The following FILIP1L variants were observed in gnomAD, a reference collection of about 807,000 sequenced individuals.
The protein encoded by FILIP1L is filamin A interacting protein 1 like.
A neutral mutation model predicts 96.6 loss-of-function variants in FILIP1L; 55 were observed. The observed-to-expected ratio is 0.57, with a 90% CI of 0.46 to 0.71. FILIP1L has a LOEUF of 0.71. FILIP1L is among the 30% of genes least tolerant of loss of function. The probability of loss-of-function intolerance (pLI) is 0.00; values close to 1 mark genes in which losing one functional copy is unlikely to be tolerated. For synonymous variants in FILIP1L, 467 were observed against 473.9 expected (o/e 0.99, Z 0.19); for missense variants, 1,304 against 1,321.2 (o/e 0.99, Z 0.20).
At chr3:100,095,087 T>C (rs943317703) in intron 1 of FILIP1L, among the ~76,000 whole-genome samples, 1 of 152,216 alleles carries the variant, frequency 6.6e-6, no homozygotes, top group Non-Finnish European at 1.5e-5. Context: ...TTCTTTTTCA[T>C]TGATCTATGT....
intron 1 of FILIP1L, chr3:100,023,396 C>A (rs143744396): frequency 6.6e-6 from 1 of 152,582 alleles, no homozygotes; most frequent in Non-Finnish European, 1.5e-5. Flanking sequence ...AGTCAGAAAC[C>A]ACAGATTGTT....
At chr3:100,052,825 A>G (rs1559740591) in intron 1 of FILIP1L, among the ~76,000 whole-genome samples, 1 of 152,246 alleles carries the variant, frequency 6.6e-6, no homozygotes, top group African/African-American at 2.4e-5. Context: ...AGTTATAAAT[A>G]AATTCATATT....
intron 1 of FILIP1L, among the ~76,000 whole-genome samples, chr3:99,990,075 GTGTT>G (rs1399498212): frequency 4.6e-5 from 7 of 152,118 alleles, no homozygotes; most frequent in Non-Finnish European, 8.8e-5. Flanking sequence ...TTGCCGCTTT[GTGTT>G]TGTTTGAGAA....
intron 1 of FILIP1L, chr3:100,039,889 G>C (rs1017368058): frequency 1.3e-5 from 2 of 152,108 alleles, no homozygotes; most frequent in African/African-American, 4.8e-5. Flanking sequence ...GAGTAGCTGG[G>C]ACTACAGACG....
chr3:99,868,932 C>T (rs867472948), intron 4 of FILIP1L, among the ~76,000 whole-genome samples: 9 of 152,180 alleles, frequency 5.9e-5, no homozygotes, highest in South Asian at 4.2e-4. Flanking sequence ...TTACTTTTGC[C>T]GTTAAGCCAA....
At chr3:99,848,086 T>C in intron 5 of FILIP1L, 1 of 1,370,602 alleles carries the variant, frequency 7.3e-7, no homozygotes. Flanking sequence ...AATGAAAAGA[T>C]ATACAGTAAG....
intron 1 of FILIP1L, among the ~76,000 whole-genome samples, chr3:99,983,856 A>G (rs1168410146): frequency 2.6e-5 from 4 of 152,064 alleles, no homozygotes; most frequent in Non-Finnish European, 4.4e-5. Flanking sequence ...ATAAACTTAT[A>G]ATGTAGAATA....
chr3:100,018,100 G>A (rs1190438763), intron 1 of FILIP1L, among the ~76,000 whole-genome samples: 6 of 152,124 alleles, frequency 3.9e-5, no homozygotes, highest in Non-Finnish European at 7.4e-5. Flanking sequence ...AGGCCGAGGC[G>A]GGCAGATCAC....
intron 1 of FILIP1L, among the ~76,000 whole-genome samples, chr3:100,077,366 A>G (rs2065866342): frequency 6.6e-6 from 1 of 152,234 alleles, no homozygotes; most frequent in Non-Finnish European, 1.5e-5. Flanking sequence ...GTATGTTTGT[A>G]CTTCACTGAG....
chr3:99,918,201 C>T (rs1416655484), intron 4 of FILIP1L, among the ~76,000 whole-genome samples: 2 of 152,096 alleles, frequency 1.3e-5, no homozygotes, highest in Non-Finnish European at 2.9e-5. Flanking sequence ...TGGTCTCGAA[C>T]CCTTGACCTC....
chr3:100,094,172 C>T (rs1384561219), intron 1 of FILIP1L, among the ~76,000 whole-genome samples: 3 of 152,108 alleles, frequency 2.0e-5, no homozygotes, highest in African/African-American at 7.2e-5. Flanking sequence ...TTGCATTTCC[C>T]TAGCAGTTAA....
chr3:99,889,617 C>T (rs1397165990), intron 4 of FILIP1L, among the ~76,000 whole-genome samples: 1 of 151,458 alleles, frequency 6.6e-6, no homozygotes. Flanking sequence ...CCATTTGTAC[C>T]ACCTTTTTGT....
chr3:99,983,381 AATAAATAAATATATATATAT>A (rs1559713260), intron 1 of FILIP1L, among the ~76,000 whole-genome samples: 4 of 30,026 alleles, frequency 1.3e-4, no homozygotes, highest in African/African-American at 3.7e-4. Flanking sequence ...TTAAAAAATA[AATAAATAAATATATATATAT>A]ATATATATAT....
intron 5 of FILIP1L, among the ~76,000 whole-genome samples, chr3:99,842,344 A>AGGGGT (rs1345604101): frequency 3.3e-5 from 5 of 151,962 alleles, no homozygotes; most frequent in Non-Finnish European, 7.4e-5. Flanking sequence ...AAAGAGTGGG[A>AGGGGT]GGGGTGTAAG....
intron 1 of FILIP1L, among the ~76,000 whole-genome samples, chr3:100,095,492 A>G (rs905213230): frequency 8.5e-5 from 13 of 152,248 alleles, no homozygotes; most frequent in African/African-American, 3.1e-4. Context: ...TAATTTTGAC[A>G]GTCATACCGA....
At chr3:99,851,756 G>A (rs1047727783) in intron 4 of FILIP1L, among the ~76,000 whole-genome samples, 1 of 152,186 alleles carries the variant, frequency 6.6e-6, no homozygotes, top group South Asian at 2.1e-4. Flanking sequence ...TAGAAGTTAT[G>A]CACTTCACTG....
At chr3:99,943,882 G>A (rs1410816703) in intron 1 of FILIP1L, among the ~76,000 whole-genome samples, 1 of 152,136 alleles carries the variant, frequency 6.6e-6, no homozygotes, top group African/African-American at 2.4e-5. Flanking sequence ...GTCCAAATTG[G>A]GTCAAACTAC....
At chr3:100,029,448 G>A (rs183928737) in intron 1 of FILIP1L, among the ~76,000 whole-genome samples, 190 of 152,142 alleles carry the variant, frequency 1.2e-3, no homozygotes, top group Non-Finnish European at 2.1e-3. Flanking sequence ...TTTTACTGTT[G>A]CATTTGCAAC....
At chr3:100,090,596 C>G (rs112768880) in intron 1 of FILIP1L, among the ~76,000 whole-genome samples, 1 of 152,200 alleles carries the variant, frequency 6.6e-6, no homozygotes, top group Non-Finnish European at 1.5e-5. Flanking sequence ...GCAACACTAG[C>G]CTCTGCCTTT....
Sources: gnomAD v4.1 joint callset for allele counts (sites outside exome capture counted in the v4.1 genomes callset) on GRCh38, gnomAD v4.1.1 for gene constraint, MANE v1.5 for transcripts, NCBI Gene and HGNC (gene_info 2026-07-23, HGNC 2026-07-21) for gene names.